Variants in TMPRSS15 observed in about 807,000 individuals in gnomAD.
TMPRSS15 encodes the protein transmembrane serine protease 15.
TMPRSS15 carries 128 observed loss-of-function variants against 125.3 expected under a neutral mutation model. That is an observed-to-expected ratio of 1.02 (90% CI 0.89 to 1.18). The LOEUF is 1.18. Ranked by LOEUF, TMPRSS15 falls within the 50% of genes most tolerant of loss-of-function variation. The pLI is 0.00. For synonymous variants in TMPRSS15, 446 were observed against 423.2 expected, an observed-to-expected ratio of 1.05 and a Z score of -0.66; for missense variants, 1,283 against 1,212.7, an observed-to-expected ratio of 1.06 and a Z score of -0.86.
chr21:18,405,958 G>A (rs1376869314), upstream of TMPRSS15, among the ~76,000 whole-genome samples: 3 of 151,974 alleles, frequency 2.0e-5, no homozygotes, highest in Non-Finnish European at 2.9e-5. Context: ...AAAACCCTAA[G>A]CCACAGACTT....
chr21:18,318,906 AAGT>A (rs2075203847), intron 16 of TMPRSS15, among the ~76,000 whole-genome samples: 1 of 152,218 alleles, frequency 6.6e-6, no homozygotes, highest in Non-Finnish European at 1.5e-5. Context: ...AGCAGGGAAT[AAGT>A]AGATATTTTT....
chr21:18,475,586 T>C (rs1978865905), intron 1 of TMPRSS15, among the ~76,000 whole-genome samples: 1 of 152,172 alleles, frequency 6.6e-6, no homozygotes, highest in Non-Finnish European at 1.5e-5. Context: ...AGCAAGACTC[T>C]GTCTCAAAAA....
chr21:18,276,321 T>C (rs372548865), intron 23 of TMPRSS15, among the ~76,000 whole-genome samples: 1 of 152,202 alleles, frequency 6.6e-6, no homozygotes, highest in Non-Finnish European at 1.5e-5. Flanking sequence ...GGCCTTCCTC[T>C]CATTTTACTG....
rs182928305 is a variant in TMPRSS15, at chr21:18,305,156, T to C, written c.2166-7327A>G. 4.1e-3 allele frequency among the ~76,000 whole-genome samples: 608 copies of C among 149,806 alleles called. 5 individuals carry two copies. Among genetic ancestry groups the C allele is most frequent in the African/African-American group, 0.014 (571 of 40,842 alleles). On this transcript the variant is annotated intron_variant, in intron 18 of 24. Transcript: ENST00000284885. ...ACTTTTGGGTTCAATAGGCCAGAGG[T>C]AGGATTCCAGGATTTGAATTTCCGT...
At chr21:18,457,970 T>C (rs1039875601) in intron 1 of TMPRSS15, among the ~76,000 whole-genome samples, 1 of 152,162 alleles carries the variant, frequency 6.6e-6, no homozygotes, top group Non-Finnish European at 1.5e-5. Context: ...TCCGTTGTTA[T>C]ACCCTTTAGT....
intron 4 of TMPRSS15, chr21:18,380,443 C>T: frequency 2.4e-6 from 1 of 416,900 alleles, no homozygotes; most frequent in Admixed American, 2.6e-5. Flanking sequence ...AGACTGAATG[C>T]CTCAGAAATA....
rs116931147 is a variant in TMPRSS15 at position 18,378,713 on chromosome 21, C to A, written c.532+570G>T. 3.6e-4 allele frequency among the ~76,000 whole-genome samples: 55 copies of A among 151,932 alleles called. 1 individual carries two copies. The East Asian group carries it at 6.4e-3, about 18-fold the overall frequency. ...ATTTTATATGAAGATTAAGTTATGACCAGAGAAGGTATTTTAGCTGATTGA... is the reference window on the plus strand; with the variant it reads ...ATTTTATATGAAGATTAAGTTATGAACAGAGAAGGTATTTTAGCTGATTGA... On this transcript the variant is annotated intron_variant, in intron 5 of 24. Coordinates refer to ENST00000284885, the MANE Select transcript of TMPRSS15 (RefSeq NM_002772.3).
chr21:18,424,788 GAAC>G (rs2076199140), intron 1 of TMPRSS15, among the ~76,000 whole-genome samples: 1 of 151,338 alleles, frequency 6.6e-6, no homozygotes, highest in East Asian at 1.9e-4. Flanking sequence ...AAGAAAGCAA[GAAC>G]AACTAGTAAG....
chr21:18,374,328 C>T (rs1288604133), intron 5 of TMPRSS15, among the ~76,000 whole-genome samples: 1 of 150,932 alleles, frequency 6.6e-6, no homozygotes, highest in Non-Finnish European at 1.5e-5. Flanking sequence ...AAAAAATTAG[C>T]CGGGCGCGGT....
intron 4 of TMPRSS15, among the ~76,000 whole-genome samples, 166 bp from the exon 5 acceptor site, chr21:18,379,484 A>G (rs2075872960): frequency 6.6e-6 from 1 of 152,246 alleles, no homozygotes; most frequent in African/African-American, 2.4e-5. Flanking sequence ...ATTTAAAAAT[A>G]AATCTTTTAT....
At chr21:18,289,260 C>A (rs1403091530) in intron 21 of TMPRSS15, among the ~76,000 whole-genome samples, 1 of 152,150 alleles carries the variant, frequency 6.6e-6, no homozygotes, top group Non-Finnish European at 1.5e-5. Flanking sequence ...CACCTGTAAT[C>A]CCAGCACTTT....
At chr21:18,456,404 T>C (rs1227799875) in intron 1 of TMPRSS15, among the ~76,000 whole-genome samples, 2 of 152,140 alleles carry the variant, frequency 1.3e-5, no homozygotes, top group African/African-American at 4.8e-5. Context: ...AATGATGTTA[T>C]TTATAATTCA....
intron 14 of TMPRSS15, among the ~76,000 whole-genome samples, chr21:18,330,944 G>A (rs2075338549): frequency 6.6e-6 from 1 of 151,918 alleles, no homozygotes; most frequent in Non-Finnish European, 1.5e-5. Flanking sequence ...CTGGTGGCGG[G>A]CGCCTGTAGT....
intron 1 of TMPRSS15, among the ~76,000 whole-genome samples, chr21:18,469,241 C>A (rs573934488): frequency 3.9e-4 from 59 of 152,220 alleles, no homozygotes; most frequent in African/African-American, 1.4e-3. Flanking sequence ...AAGGAGATCA[C>A]TTCCTTCTTA....
chr21:18,325,589 C>T (rs2075280237), intron 16 of TMPRSS15, among the ~76,000 whole-genome samples: 1 of 151,938 alleles, frequency 6.6e-6, no homozygotes, highest in South Asian at 2.1e-4. Context: ...TGAAATACAT[C>T]AATTCCATAA....
intron 1 of TMPRSS15, among the ~76,000 whole-genome samples, chr21:18,472,691 C>T (rs866492823): frequency 2.0e-5 from 3 of 151,428 alleles, no homozygotes; most frequent in Admixed American, 1.3e-4. Flanking sequence ...AATATTTGCC[C>T]GGTGATGCAA....
chr21:18,339,724 T>C (rs1465937978), intron 13 of TMPRSS15, among the ~76,000 whole-genome samples: 2 of 152,014 alleles, frequency 1.3e-5, no homozygotes, highest in East Asian at 1.9e-4. Context: ...AGTGAAAAAA[T>C]CCCTATAGAA....
chr21:18,357,164 C>A (rs1035387354), intron 8 of TMPRSS15, among the ~76,000 whole-genome samples: 3 of 151,748 alleles, frequency 2.0e-5, no homozygotes, highest in Admixed American at 2.0e-4. Context: ...CGTCTTCTAC[C>A]CCTTTCATAT....
chr21:18,293,442 T>C (rs1039309866), intron 21 of TMPRSS15, among the ~76,000 whole-genome samples: 12 of 152,150 alleles, frequency 7.9e-5, no homozygotes, highest in Admixed American at 6.5e-5. Context: ...CTCACTGACA[T>C]AGGGACAGGA....
Sources: gnomAD v4.1 joint callset for allele counts (sites outside exome capture counted in the v4.1 genomes callset) on GRCh38, gnomAD v4.1.1 for gene constraint, MANE v1.5 for transcripts, NCBI Gene and HGNC (gene_info 2026-07-23, HGNC 2026-07-21) for gene names.